Variants in VWF observed in about 807,000 individuals in gnomAD.
The protein encoded by VWF is Factor VIII related antigen.
VWF carries 176 observed loss-of-function variants against 308.6 expected under a neutral mutation model. That is an observed-to-expected ratio of 0.57 (90% CI 0.50 to 0.65). The LOEUF is 0.65. Among genes scored for constraint, VWF ranks in the 30% least tolerant of loss-of-function variants. The probability of loss-of-function intolerance (pLI) is 0.00; values close to 1 mark genes in which losing one functional copy is unlikely to be tolerated. For missense variants in VWF, 3,146 were observed against 3,648.2 expected (o/e 0.86, Z 3.55); for synonymous variants, 1,385 against 1,443.4 (o/e 0.96, Z 0.92).
intron 47 of VWF, among the ~76,000 whole-genome samples, chr12:5,962,010 C>T (rs1280668040): frequency 6.6e-6 from 1 of 151,872 alleles, no homozygotes. Flanking sequence ...TTTGCCTTTC[C>T]ACCTTCTGCC....
At chr12:6,107,263 T>C (rs1945254474) in intron 5 of VWF, among the ~76,000 whole-genome samples, 1 of 152,126 alleles carries the variant, frequency 6.6e-6, no homozygotes, top group African/African-American at 2.4e-5. Context: ...AGCTAGGAGT[T>C]GGGGGAAGAT....
chr12:5,966,034 C>T (rs534011647), intron 47 of VWF, among the ~76,000 whole-genome samples: 1 of 152,236 alleles, frequency 6.6e-6, no homozygotes, highest in South Asian at 2.1e-4. Flanking sequence ...ACGGAGGAAG[C>T]GGCTGTGGCT....
At chr12:6,104,679 A>C (rs893361078) in intron 5 of VWF, among the ~76,000 whole-genome samples, 9 of 151,986 alleles carry the variant, frequency 5.9e-5, no homozygotes, top group African/African-American at 1.7e-4. Context: ...CCTGGGCAAC[A>C]GAGTGAGACT....
intron 16 of VWF, among the ~76,000 whole-genome samples, chr12:6,051,648 C>A: frequency 6.6e-6 from 1 of 152,138 alleles, no homozygotes; most frequent in East Asian, 1.9e-4. Context: ...TTCCCTCTGT[C>A]GCCCGGGCTA....
At chr12:5,979,665 G>A (rs144571744) in intron 42 of VWF, among the ~76,000 whole-genome samples, 18 of 151,906 alleles carry the variant, frequency 1.2e-4, no homozygotes, top group South Asian at 2.1e-4. Flanking sequence ...CAAGAGAATC[G>A]CTTGAACCAG....
In VWF at chr12:5,972,032, T is replaced by C. The variant is rs867270736; in HGVS notation, c.7438-323A>G. 2.6e-5 allele frequency among the ~76,000 whole-genome samples: 4 copies of C among 152,294 alleles called. No individual in the cohort carries two copies. The South Asian group carries it at 8.3e-4, about 32-fold the overall frequency. Reference sequence around the variant, plus strand: ...CAGCAGCTTACTAATCTGGCCCTTATCATGGCCAACTCTAGGGACCCTCAC... The same window carrying C: ...CAGCAGCTTACTAATCTGGCCCTTACCATGGCCAACTCTAGGGACCCTCAC... On this transcript the variant is annotated intron_variant, in intron 43 of 51. Transcript: ENST00000261405.
In VWF at chr12:6,013,507, T is replaced by C. The variant is rs1469734100; in HGVS notation, c.5594A>G (p.Asn1865Ser). The part of the protein sequence containing the change: ...EDLPTMVTLG[N>S]SFLHKLCSGF... ...AGAGCACAGTTTGTGGAGGAAGGAA[T>C]TGCCCAAGGTGACCATGGTAGGGAG... Residue 1865 changes from asparagine (N) to serine (S), a missense_variant, in exon 32 of 52, where the codon AAT (asparagine) becomes AGT (serine). This residue lies in a region of VWF where 853 missense variants were observed against 1,177.8 expected (regional missense o/e 0.72). Transcript: ENST00000261405. The C allele has an allele frequency of 5.6e-6, 9 of 1,614,010 alleles. No homozygotes were observed. The highest frequency in any genetic ancestry group is 7.6e-6 in the Non-Finnish European group (9 of 1,180,018).
intron 45 of VWF, among the ~76,000 whole-genome samples, chr12:5,968,585 C>G (rs1335438717): frequency 2.0e-5 from 3 of 152,128 alleles, no homozygotes; most frequent in Non-Finnish European, 4.4e-5. Flanking sequence ...CACTTGAGGT[C>G]AGGAGTTCAA....
chr12:6,122,383 G>C (rs1410584439), intron 2 of VWF, among the ~76,000 whole-genome samples: 1 of 152,176 alleles, frequency 6.6e-6, no homozygotes, highest in Non-Finnish European at 1.5e-5. Flanking sequence ...TCTGAAGTGT[G>C]AACTCCTCCG....
chr12:5,994,741 G>C (rs1032571037), intron 35 of VWF, 134 bp from the exon 36 acceptor site: 43 of 791,548 alleles, frequency 5.4e-5, no homozygotes, highest in Non-Finnish European at 8.9e-5. Flanking sequence ...ATATTTGTCG[G>C]CAGCTCTTCT....
At chr12:6,071,080 G>A (rs565792651) in intron 10 of VWF, among the ~76,000 whole-genome samples, 8 of 152,302 alleles carry the variant, frequency 5.3e-5, no homozygotes, top group Admixed American at 2.0e-4. Flanking sequence ...TGCATTCTCC[G>A]CTTTCAGCTG....
intron 2 of VWF, among the ~76,000 whole-genome samples, chr12:6,121,587 T>C (rs1412537079): frequency 1.3e-5 from 2 of 152,198 alleles, no homozygotes; most frequent in Non-Finnish European, 2.9e-5. Context: ...TACTTACTGA[T>C]TTAAAATGTC....
Position 6,031,509 on chromosome 12 carries a change from C to G in VWF, c.2755G>C (p.Val919Leu). Residue 919 changes from valine to leucine, a missense_variant, in exon 21 of 52, where the codon GTG becomes CTG. Physicochemically the swap from Val to Leu is conservative, Grantham distance 32 (BLOSUM62 1). Transcript: ENST00000261405. ...ATGGTGACCCGTTTCTTGCATTTCA[C>G]TGAGGGGTGGCTGCATCCCTTATTC... ...VGNKGCSHPSVKCKKRVTILV... is the reference protein window; with the variant it reads ...VGNKGCSHPSLKCKKRVTILV... 1 of 1,614,176 alleles carries G rather than the reference C, an allele frequency of 6.2e-7. No individual in the cohort carries two copies. Among genetic ancestry groups the G allele is most frequent in the Non-Finnish European group, 8.5e-7 (1 of 1,180,044 alleles).
chr12:6,101,998 G>C (rs571027798), intron 5 of VWF, among the ~76,000 whole-genome samples: 1 of 152,212 alleles, frequency 6.6e-6, no homozygotes, highest in South Asian at 2.1e-4. Flanking sequence ...CATTTATGGG[G>C]GAGGGCGGAA....
chr12:5,989,361 T>TA (rs915163290), intron 38 of VWF, among the ~76,000 whole-genome samples: 141 of 150,434 alleles, frequency 9.4e-4, no homozygotes, highest in South Asian at 5.2e-3. Context: ...TTTTTCAGTT[T>TA]AAAAAAAAAA....
intron 2 of VWF, chr12:6,122,897 G>A (rs771086052): frequency 2.7e-6 from 2 of 747,710 alleles, no homozygotes; most frequent in East Asian, 5.0e-5. Context: ...CCATAATATA[G>A]GACAGTTCTG....
In VWF at chr12:5,949,111, C is replaced by A; in HGVS notation, c.8346G>T (p.Met2782Ile). The part of the protein sequence containing the change: ...SCCSPTRTEP[M>I]QVALHCTNGS... ...CATTGGTGCAGTGCAGGGCCACCTG[C>A]ATGGGCTCCGTCCGTGTCGGAGAGC... Residue 2782 changes from methionine (M) to isoleucine (I), a missense_variant, in exon 52 of 52, where the codon ATG (methionine) becomes ATT (isoleucine). By Grantham distance (10) the Met-to-Ile change is conservative (BLOSUM62 1). Around this residue, in one of 3 missense-constraint regions of VWF, gnomAD observed 989 missense variants for 1,117.4 expected, o/e 0.89. Coordinates refer to ENST00000261405, the MANE Select transcript of VWF (RefSeq NM_000552.5). 6.2e-7 allele frequency: 1 copy of A among 1,614,252 alleles called. No individual in the cohort carries two copies. Among genetic ancestry groups the A allele is most frequent in the South Asian group, 1.1e-5 (1 of 91,088 alleles).
At chr12:5,980,424 T>C (rs759380538) in intron 42 of VWF, among the ~76,000 whole-genome samples, 2 of 152,182 alleles carry the variant, frequency 1.3e-5, no homozygotes, top group Admixed American at 6.5e-5. Flanking sequence ...GAGGAACACA[T>C]TATGCAATAC....
At chr12:6,028,923 A>G (rs1454530145) in intron 22 of VWF, among the ~76,000 whole-genome samples, 1 of 152,226 alleles carries the variant, frequency 6.6e-6, no homozygotes, top group East Asian at 1.9e-4. Flanking sequence ...TTAACCTTAA[A>G]TGTAAATGGG....
Sources: allele counts gnomAD v4.1 joint callset (sites outside exome capture counted in the v4.1 genomes callset), GRCh38; gene constraint gnomAD v4.1.1; regional missense constraint gnomAD v4.1.1; transcripts MANE v1.5; gene names NCBI Gene and HGNC (gene_info 2026-07-23, HGNC 2026-07-21).